The following ARHGAP12 variants were observed in gnomAD, a reference collection of about 807,000 sequenced individuals.
ARHGAP12 encodes the protein Rho GTPase activating protein 12, also known as rho GTPase-activating protein 12.
Under a neutral mutation model 108.6 loss-of-function variants are expected in ARHGAP12, and 64 were observed. The ratio of observed to expected loss-of-function variants is 0.59; its 90% CI spans 0.48 to 0.73. ARHGAP12 has a LOEUF of 0.73. Among genes scored for constraint, ARHGAP12 ranks in the 30% least tolerant of loss-of-function variants. The pLI, the probability that ARHGAP12 is intolerant of heterozygous loss-of-function variation, is 0.00. For missense variants in ARHGAP12, 940 were observed against 1,005.9 expected (o/e 0.93, Z 0.89); for synonymous variants, 312 against 337.2 (o/e 0.93, Z 0.82).
chr10:31,903,700 A>G (rs1179021223), intron 3 of ARHGAP12, among the ~76,000 whole-genome samples: 1 of 152,118 alleles, frequency 6.6e-6, no homozygotes, highest in Non-Finnish European at 1.5e-5. Context: ...TCTGCAAACC[A>G]TGTATTTGGC....
At chr10:31,916,415 A>G (rs1389629141) in intron 1 of ARHGAP12, among the ~76,000 whole-genome samples, 1 of 151,904 alleles carries the variant, frequency 6.6e-6, no homozygotes, top group African/African-American at 2.4e-5. Flanking sequence ...CTATCACGCT[A>G]TTTTTTAATC....
intron 6 of ARHGAP12, among the ~76,000 whole-genome samples, chr10:31,848,678 AT>A (rs1352307114): frequency 1.3e-5 from 2 of 152,144 alleles, no homozygotes; most frequent in East Asian, 3.8e-4. Context: ...CTATTCATGT[AT>A]GTTTTTATTT....
At chr10:31,875,549 G>C (rs903091648) in intron 3 of ARHGAP12, among the ~76,000 whole-genome samples, 8 of 152,178 alleles carry the variant, frequency 5.3e-5, no homozygotes, top group African/African-American at 1.9e-4. Flanking sequence ...GGATTGTTCT[G>C]TAATCACAGT....
At chr10:31,892,969 T>A (rs1838517956) in intron 3 of ARHGAP12, among the ~76,000 whole-genome samples, 2 of 152,068 alleles carry the variant, frequency 1.3e-5, no homozygotes, top group East Asian at 1.9e-4. Flanking sequence ...CTCAACTACA[T>A]GGAAACTGAA....
chr10:31,906,490 A>G lies in ARHGAP12; in HGVS notation c.684+1682T>C, dbSNP rs76815579. 5.3e-3 allele frequency among the ~76,000 whole-genome samples: 809 copies of G among 152,296 alleles called. 3 individuals are homozygous for G. The highest frequency in any genetic ancestry group is 0.015 in the East Asian group (80 of 5,180). ...CAATCTAAAGCCAGTACTATTAACC[A>G]TGTGCTCCCCAAAGCTGAAGTCGTT... On this transcript the variant is annotated intron_variant, in intron 3 of 19. Transcript: ENST00000344936.
rs77010626 is a variant in ARHGAP12, at chr10:31,847,231, T to A, written c.1171-3645A>T. ...TGGTGTGTCACCAACCTACTGATTG[T>A]CTTTTCTCATTCAAGTTCAGATTTT... On this transcript the variant is annotated intron_variant, in intron 6 of 19. Transcript: ENST00000344936. Among the ~76,000 whole-genome samples, 977 of 152,302 alleles carry A rather than the reference T, an allele frequency of 6.4e-3. 3 individuals carry two copies. The highest frequency in any genetic ancestry group is 0.011 in the Admixed American group (163 of 15,302).
intron 3 of ARHGAP12, among the ~76,000 whole-genome samples, chr10:31,905,255 C>T (rs2808031): frequency 0.19 from 28,699 of 151,812 alleles, 3,183 homozygotes; most frequent in East Asian, 0.39. Flanking sequence ...TAAAATTTTG[C>T]GGGGTTTTTT....
chr10:31,859,892 T>G (rs1044870541), intron 4 of ARHGAP12, among the ~76,000 whole-genome samples: 2 of 151,784 alleles, frequency 1.3e-5, no homozygotes, highest in Admixed American at 1.3e-4. Flanking sequence ...CCTCCCGGGT[T>G]CAAGCGATTC....
intron 3 of ARHGAP12, among the ~76,000 whole-genome samples, chr10:31,876,301 T>G (rs1344536892): frequency 6.6e-6 from 1 of 152,202 alleles, no homozygotes; most frequent in Non-Finnish European, 1.5e-5. Flanking sequence ...GTGAATCACC[T>G]GAGGTCAGGC....
At chr10:31,898,730 C>A (rs761634551) in intron 3 of ARHGAP12, among the ~76,000 whole-genome samples, 13 of 152,098 alleles carry the variant, frequency 8.5e-5, no homozygotes, top group Non-Finnish European at 1.3e-4. Context: ...CAGTCACATG[C>A]TGTACAGGTT....
chr10:31,881,375 C>A (rs375168893), intron 3 of ARHGAP12, among the ~76,000 whole-genome samples: 4 of 151,608 alleles, frequency 2.6e-5, no homozygotes, highest in African/African-American at 9.7e-5. Context: ...GGAACACACA[C>A]AAAAAAAACA....
At chr10:31,875,935 G>C (rs1319803243) in intron 3 of ARHGAP12, among the ~76,000 whole-genome samples, 2 of 152,114 alleles carry the variant, frequency 1.3e-5, no homozygotes, top group African/African-American at 4.8e-5. Context: ...TACAGTATTT[G>C]TCCTTTTGTG....
chr10:31,898,469 T>C (rs551105077), intron 3 of ARHGAP12, among the ~76,000 whole-genome samples: 51 of 152,276 alleles, frequency 3.3e-4, no homozygotes, highest in African/African-American at 1.2e-3. Flanking sequence ...GGTGGGATGG[T>C]CCTGATCTCT....
chr10:31,890,664 A>AG (rs1838389057), intron 3 of ARHGAP12, among the ~76,000 whole-genome samples: 1 of 152,204 alleles, frequency 6.6e-6, no homozygotes, highest in South Asian at 2.1e-4. Context: ...GCAGCAAGCT[A>AG]GGATTTGGAT....
At position 31,814,779 on chromosome 10, in the gene ARHGAP12, G is replaced by C. The variant is rs149457284; in HGVS notation, c.1732-418C>G. On this transcript the variant is annotated intron_variant, in intron 13 of 19. Coordinates refer to ENST00000344936, the MANE Select transcript of ARHGAP12 (RefSeq NM_018287.7). Reference sequence around the variant, plus strand: ...CAAGAGTATTACCCTGTAACAACAGGACAAGACTCATACTTCAGATTCACG... The same window carrying C: ...CAAGAGTATTACCCTGTAACAACAGCACAAGACTCATACTTCAGATTCACG... 8.1e-4 allele frequency among the ~76,000 whole-genome samples: 123 copies of C among 152,188 alleles called. No homozygotes were observed. The Middle Eastern group carries it at 0.014, about 17-fold the overall frequency.
chr10:31,812,855 G>A, intron 14 of ARHGAP12, 32 bp from the exon 15 acceptor site: 1 of 1,329,796 alleles, frequency 7.5e-7, no homozygotes, highest in East Asian at 2.4e-5. Flanking sequence ...ATGAGCATTT[G>A]TAAAAATAAA....
At chr10:31,911,087 G>A (rs1051055094) in intron 1 of ARHGAP12, among the ~76,000 whole-genome samples, 6 of 151,962 alleles carry the variant, frequency 3.9e-5, no homozygotes, top group Non-Finnish European at 7.4e-5. Context: ...ACAGTGGCAC[G>A]ATCTTGGCTC....
chr10:31,863,079 T>C (rs955329511), intron 3 of ARHGAP12, among the ~76,000 whole-genome samples: 1 of 152,208 alleles, frequency 6.6e-6, no homozygotes, highest in African/African-American at 2.4e-5. Flanking sequence ...AATACATGTT[T>C]GTGAAATGGT....
chr10:31,845,716 T>C (rs913567606), intron 6 of ARHGAP12, among the ~76,000 whole-genome samples: 3 of 151,934 alleles, frequency 2.0e-5, no homozygotes, highest in Admixed American at 2.0e-4. Flanking sequence ...ATCTGGGAGG[T>C]GGAAGCTGCA....
Sources: gnomAD v4.1 joint callset for allele counts (sites outside exome capture counted in the v4.1 genomes callset) on GRCh38, gnomAD v4.1.1 for gene constraint, MANE v1.5 for transcripts, NCBI Gene and HGNC (gene_info 2026-07-23, HGNC 2026-07-21) for gene names.